BBS9: variants seen among roughly 807,000 people sequenced by gnomAD.
The protein encoded by BBS9 is Bardet-Biedl syndrome 9.
A neutral mutation model predicts 117.7 loss-of-function variants in BBS9; 89 were observed. The observed-to-expected ratio is 0.76, with a 90% confidence interval of 0.64 to 0.90. BBS9 has a LOEUF of 0.90. Among genes scored for constraint, BBS9 ranks in the 40% least tolerant of loss-of-function variants. BBS9 has a pLI of 0.00. For missense variants in BBS9, 982 were observed against 1,042.2 expected, an observed-to-expected ratio of 0.94 and a Z score of 0.80; for synonymous variants, 379 against 370.9, an observed-to-expected ratio of 1.02 and a Z score of -0.25.
intron 19 of BBS9, among the ~76,000 whole-genome samples, chr7:33,414,832 A>G (rs556274434): frequency 1.3e-4 from 14 of 111,078 alleles, no homozygotes; most frequent in Non-Finnish European, 2.4e-4. Flanking sequence ...GGTTCTGTGT[A>G]TATTTGTAAG....
chr7:33,209,636 C>G (rs1188808005), intron 5 of BBS9, among the ~76,000 whole-genome samples: 1 of 152,172 alleles, frequency 6.6e-6, no homozygotes, highest in South Asian at 2.1e-4. Flanking sequence ...TTGTATGTGT[C>G]TAGGAATTTA....
intron 7 of BBS9, among the ~76,000 whole-genome samples, chr7:33,264,654 TA>T (rs1243115319): frequency 6.6e-6 from 1 of 152,084 alleles, no homozygotes; most frequent in Admixed American, 6.6e-5. Context: ...ATAGAAACAT[TA>T]AAAAAATCTC....
chr7:33,304,677 G>A (rs1420299057), intron 9 of BBS9, among the ~76,000 whole-genome samples: 1 of 152,130 alleles, frequency 6.6e-6, no homozygotes, highest in Non-Finnish European at 1.5e-5. Flanking sequence ...TGATGACGAT[G>A]GCGGTTTTGT....
At chr7:33,532,764 A>G (rs554279466) in intron 20 of BBS9, among the ~76,000 whole-genome samples, 1 of 152,282 alleles carries the variant, frequency 6.6e-6, no homozygotes, top group Admixed American at 6.5e-5. Flanking sequence ...GGTGGCTCAA[A>G]TGATAAGTTT....
chr7:33,301,609 T>C (rs1455804527), intron 9 of BBS9, among the ~76,000 whole-genome samples: 1 of 152,178 alleles, frequency 6.6e-6, no homozygotes, highest in Non-Finnish European at 1.5e-5. Flanking sequence ...TCCATTTCTT[T>C]TTTATGGCTG....
At chr7:33,270,560 G>T (rs910114265) in intron 7 of BBS9, among the ~76,000 whole-genome samples, 2 of 152,152 alleles carry the variant, frequency 1.3e-5, no homozygotes, top group Non-Finnish European at 2.9e-5. Context: ...ACAAGAATTC[G>T]TAATGTAATC....
At chr7:33,556,259 A>G in intron 21 of BBS9, among the ~76,000 whole-genome samples, 1 of 152,308 alleles carries the variant, frequency 6.6e-6, no homozygotes, top group South Asian at 2.1e-4. Context: ...TCTATCTGGA[A>G]CTACTTTCTA....
intron 21 of BBS9, among the ~76,000 whole-genome samples, chr7:33,617,444 C>T (rs1372925586): frequency 6.6e-6 from 1 of 152,054 alleles, no homozygotes; most frequent in Admixed American, 6.6e-5. Flanking sequence ...TCAGTGCCTC[C>T]TTCTTCAAAT....
At chr7:33,529,384 C>G (rs934064544) in intron 20 of BBS9, among the ~76,000 whole-genome samples, 1 of 152,180 alleles carries the variant, frequency 6.6e-6, no homozygotes, top group Admixed American at 6.5e-5. Flanking sequence ...GTGACACTTT[C>G]AGCAGGCTCC....
intron 19 of BBS9, among the ~76,000 whole-genome samples, chr7:33,419,580 G>A (rs1019654107): frequency 1.3e-5 from 2 of 152,082 alleles, no homozygotes; most frequent in African/African-American, 2.4e-5. Context: ...TGGCAAAAAT[G>A]CCTCATATTT....
At chr7:33,522,342 A>G (rs1848752708) in intron 20 of BBS9, among the ~76,000 whole-genome samples, 2 of 151,528 alleles carry the variant, frequency 1.3e-5, no homozygotes, top group African/African-American at 4.8e-5. Flanking sequence ...ACAATGGTTG[A>G]ACTAGTTTAC....
intron 9 of BBS9, among the ~76,000 whole-genome samples, chr7:33,279,219 G>C (rs558168004): frequency 1.3e-5 from 2 of 152,080 alleles, no homozygotes; most frequent in East Asian, 3.9e-4. Flanking sequence ...ACAACTATAG[G>C]CATATGCCAC....
chr7:33,492,220 A>AC (rs1187174013), intron 19 of BBS9, among the ~76,000 whole-genome samples: 5 of 149,672 alleles, frequency 3.3e-5, no homozygotes, highest in Admixed American at 1.3e-4. Context: ...AAAACAAAAA[A>AC]AAAACAAAAA....
chr7:33,359,279 T>C (rs1455924990), intron 16 of BBS9, among the ~76,000 whole-genome samples: 1 of 152,056 alleles, frequency 6.6e-6, no homozygotes, highest in Non-Finnish European at 1.5e-5. Context: ...TTTAAACACC[T>C]GACTTCTGAG....
chr7:33,439,269 A>G (rs1359340717), intron 19 of BBS9, among the ~76,000 whole-genome samples: 3 of 152,102 alleles, frequency 2.0e-5, no homozygotes, highest in Admixed American at 2.0e-4. Flanking sequence ...TGCAAGAATT[A>G]TCTCATGGGG....
In BBS9 at chr7:33,351,285, T is replaced by G. The variant is rs767543735; in HGVS notation, c.1499T>G (p.Leu500Trp). Reference sequence around the variant, plus strand: ...AAAAGAAGTTATACACCATCAGAATTGGAAGGAAATGCTGTTGTTTCTTAT... The same window carrying G: ...AAAAGAAGTTATACACCATCAGAATGGGAAGGAAATGCTGTTGTTTCTTAT... ...YLKRSYTPSELEGNAVVSYSR... is the reference protein window; with the variant it reads ...YLKRSYTPSEWEGNAVVSYSR... Residue 500 changes from leucine to tryptophan, a missense_variant, in exon 14 of 23, where the codon TTG becomes TGG. Coordinates refer to ENST00000242067, the MANE Select transcript of BBS9 (RefSeq NM_198428.3). 1 of 1,612,976 alleles carries G rather than the reference T, an allele frequency of 6.2e-7. No individual in the cohort carries two copies. Among genetic ancestry groups the G allele is most frequent in the East Asian group, 2.2e-5 (1 of 44,790 alleles).
chr7:33,524,101 A>G (rs1277693827), intron 20 of BBS9, among the ~76,000 whole-genome samples: 3 of 124,996 alleles, frequency 2.4e-5, no homozygotes, highest in African/African-American at 9.3e-5. Context: ...GATGAAGCCC[A>G]CTTGATCATG....
At chr7:33,458,925 T>C (rs959326278) in intron 19 of BBS9, among the ~76,000 whole-genome samples, 1 of 152,144 alleles carries the variant, frequency 6.6e-6, no homozygotes, top group African/African-American at 2.4e-5. Context: ...TGTCCTTGTC[T>C]TTAATTAAAT....
chr7:33,201,336 G>A (rs978382458), intron 5 of BBS9, among the ~76,000 whole-genome samples: 2 of 151,852 alleles, frequency 1.3e-5, no homozygotes, highest in Non-Finnish European at 2.9e-5. Context: ...AGGATCCTGG[G>A]TATCTGTTTA....
Sources: gnomAD v4.1 joint callset for allele counts (sites outside exome capture counted in the v4.1 genomes callset) on GRCh38, gnomAD v4.1.1 for gene constraint, MANE v1.5 for transcripts, NCBI Gene and HGNC (gene_info 2026-07-23, HGNC 2026-07-21) for gene names.